Variants in MECOM observed in about 807,000 individuals in gnomAD.
MECOM encodes the protein MDS1 and EVI1 complex locus.
In MECOM, 13 loss-of-function variants were observed where a neutral mutation model predicts 116.3. That is an observed-to-expected ratio of 0.11 (90% CI 0.07 to 0.18). MECOM has a LOEUF of 0.18. MECOM is among the 10% of genes least tolerant of loss of function. The probability of loss-of-function intolerance (pLI) is 1.00; values close to 1 mark genes in which losing one functional copy is unlikely to be tolerated. For missense variants in MECOM, 1,299 were observed against 1,509.0 expected (o/e 0.86, Z 2.31); for synonymous variants, 528 against 535.2 (o/e 0.99, Z 0.19).
At chr3:169,401,204 C>G (rs1386731288) in intron 1 of MECOM, among the ~76,000 whole-genome samples, 1 of 152,104 alleles carries the variant, frequency 6.6e-6, no homozygotes, top group East Asian at 1.9e-4. Flanking sequence ...TCACGTAATC[C>G]CTCCCCTTAG....
intron 2 of MECOM, among the ~76,000 whole-genome samples, chr3:169,350,642 C>T (rs1726160784): frequency 6.6e-6 from 1 of 151,858 alleles, no homozygotes; most frequent in Non-Finnish European, 1.5e-5. Flanking sequence ...TTAGAAATTA[C>T]AATATTTTGG....
intron 2 of MECOM, among the ~76,000 whole-genome samples, chr3:169,304,367 T>A (rs1233009489): frequency 1.3e-5 from 2 of 152,210 alleles, no homozygotes; most frequent in Non-Finnish European, 2.9e-5. Flanking sequence ...ACCTAAAAGT[T>A]TTTTATGTAT....
intron 1 of MECOM, among the ~76,000 whole-genome samples, chr3:169,559,940 T>C (rs1762459454): frequency 6.6e-6 from 1 of 152,204 alleles, no homozygotes; most frequent in Non-Finnish European, 1.5e-5. Flanking sequence ...TTACATATTT[T>C]CAAATAAATG....
At chr3:169,548,852 A>G (rs1417591560) in intron 1 of MECOM, among the ~76,000 whole-genome samples, 1 of 152,232 alleles carries the variant, frequency 6.6e-6, no homozygotes. Flanking sequence ...CTCATTAATT[A>G]TAATAGGTAC....
intron 1 of MECOM, among the ~76,000 whole-genome samples, chr3:169,485,982 ATAGTATATATATGTATATATATAC>A (rs1752255886): frequency 1.7e-5 from 2 of 115,134 alleles, no homozygotes; most frequent in Non-Finnish European, 3.3e-5. Flanking sequence ...ACATATATAT[ATAGTATATATATGTATATATATAC>A]TATATATATA....
chr3:169,145,186 AC>A, intron 2 of MECOM: 1 of 84,564 alleles, frequency 1.2e-5, no homozygotes, highest in South Asian at 1.0e-4. Flanking sequence ...ACACACACAC[AC>A]ACAGAGAGAA....
At chr3:169,214,524 G>A (rs1286404363) in intron 2 of MECOM, among the ~76,000 whole-genome samples, 3 of 151,394 alleles carry the variant, frequency 2.0e-5, no homozygotes, top group Non-Finnish European at 4.4e-5. Flanking sequence ...GAAGCTCTTG[G>A]TTAGAATTCA....
At chr3:169,316,369 A>C (rs1719748018) in intron 2 of MECOM, among the ~76,000 whole-genome samples, 1 of 152,224 alleles carries the variant, frequency 6.6e-6, no homozygotes, top group Admixed American at 6.5e-5. Flanking sequence ...GATACTAAAC[A>C]GTTTCATTAT....
intron 1 of MECOM, among the ~76,000 whole-genome samples, chr3:169,557,537 C>T (rs550007935): frequency 2.6e-4 from 39 of 152,320 alleles, no homozygotes; most frequent in African/African-American, 8.9e-4. Flanking sequence ...ACAAAAACAA[C>T]TCGTGGAATA....
At chr3:169,321,350 G>A (rs1444664512) in intron 2 of MECOM, among the ~76,000 whole-genome samples, 1 of 152,056 alleles carries the variant, frequency 6.6e-6, no homozygotes, top group East Asian at 1.9e-4. Flanking sequence ...GACCATCCTG[G>A]CTAACACAGT....
intron 2 of MECOM, among the ~76,000 whole-genome samples, chr3:169,300,450 T>G (rs916919770): frequency 1.3e-5 from 2 of 152,208 alleles, no homozygotes; most frequent in African/African-American, 2.4e-5. Context: ...TCTCACAACA[T>G]TTTAGTTAAC....
intron 1 of MECOM, among the ~76,000 whole-genome samples, chr3:169,483,207 T>A (rs539275557): frequency 7.1e-4 from 92 of 129,794 alleles, no homozygotes; most frequent in African/African-American, 2.0e-3. Flanking sequence ...TTTTTATTTT[T>A]TTTTTTTTTT....
chr3:169,502,661 A>C (rs914079799), intron 1 of MECOM, among the ~76,000 whole-genome samples: 1 of 152,158 alleles, frequency 6.6e-6, no homozygotes, highest in African/African-American at 2.4e-5. Context: ...ATGATCATAC[A>C]ACACTTTTTA....
chr3:169,504,674 G>A (rs1754983310), intron 1 of MECOM, among the ~76,000 whole-genome samples: 2 of 152,020 alleles, frequency 1.3e-5, no homozygotes, highest in South Asian at 4.2e-4. Flanking sequence ...TGAGACTTGT[G>A]GGATGCTATC....
chr3:169,591,955 T>C (rs1766466161), intron 1 of MECOM, among the ~76,000 whole-genome samples: 1 of 152,186 alleles, frequency 6.6e-6, no homozygotes, highest in Admixed American at 6.5e-5. Context: ...TTTTTTCTGG[T>C]CCCCACCCAT....
chr3:169,200,641 A>C (rs139031165), intron 2 of MECOM, among the ~76,000 whole-genome samples: 1 of 152,246 alleles, frequency 6.6e-6, no homozygotes, highest in African/African-American at 2.4e-5. Flanking sequence ...ATGTAGAGCA[A>C]AGTCAAGTCA....
At chr3:169,327,801 AG>A (rs1359929661) in intron 2 of MECOM, among the ~76,000 whole-genome samples, 3 of 152,188 alleles carry the variant, frequency 2.0e-5, no homozygotes, top group African/African-American at 7.2e-5. Flanking sequence ...CTCTTTCAAA[AG>A]GATGTCTTTG....
chr3:169,596,248 G>C (rs1013738655), intron 1 of MECOM, among the ~76,000 whole-genome samples: 3 of 152,168 alleles, frequency 2.0e-5, no homozygotes, highest in Admixed American at 6.5e-5. Flanking sequence ...AAAACACTTA[G>C]ATGTAAACTC....
intron 1 of MECOM, among the ~76,000 whole-genome samples, chr3:169,544,570 C>T (rs866357035): frequency 1.3e-5 from 2 of 152,150 alleles, no homozygotes; most frequent in South Asian, 2.1e-4. Context: ...CACATGAACA[C>T]ACATGTTTAT....
Sources: gnomAD v4.1 joint callset for allele counts (sites outside exome capture counted in the v4.1 genomes callset) on GRCh38, gnomAD v4.1.1 for gene constraint, MANE v1.5 for transcripts, NCBI Gene and HGNC (gene_info 2026-07-23, HGNC 2026-07-21) for gene names.